PITPNC1: variants seen among roughly 807,000 people sequenced by gnomAD.
PITPNC1 encodes phosphatidylinositol transfer protein cytoplasmic 1, also known as cytoplasmic phosphatidylinositol transfer protein 1.
PITPNC1 carries 18 observed loss-of-function variants against 44.7 expected under a neutral mutation model. The observed-to-expected ratio is 0.40, with a 90% CI of 0.28 to 0.60. PITPNC1 has a LOEUF of 0.60. Among genes scored for constraint, PITPNC1 ranks in the 20% least tolerant of loss-of-function variants. PITPNC1 has a pLI of 0.39. For missense variants in PITPNC1, 290 were observed against 418.4 expected (o/e 0.69, Z 2.68); for synonymous variants, 141 against 149.6 (o/e 0.94, Z 0.42).
In PITPNC1 at chr17:67,519,923, T is replaced by C. The variant is rs373958865; in HGVS notation, c.49-12879T>C. Among the ~76,000 whole-genome samples, 20 of 152,326 alleles carry C rather than the reference T, an allele frequency of 1.3e-4. No individual in the cohort carries two copies. The East Asian group carries it at 3.1e-3, about 23-fold the overall frequency. Reference sequence around the variant, plus strand: ...TCAAATATCACTGAGATCTTGTTTGTCTAGGCATGAAGTGCCTTGAATAAC... The same window carrying C: ...TCAAATATCACTGAGATCTTGTTTGCCTAGGCATGAAGTGCCTTGAATAAC... On this transcript the variant is annotated intron_variant, in intron 1 of 8. Transcript: ENST00000581322.
chr17:67,526,815 T>G (rs1169282526), intron 1 of PITPNC1, among the ~76,000 whole-genome samples: 2 of 152,184 alleles, frequency 1.3e-5, no homozygotes, highest in African/African-American at 4.8e-5. Context: ...CTGCTGAGCT[T>G]CTTCAGTACA....
In PITPNC1 at chr17:67,377,722, G is replaced by A. The variant is rs1433182340; in HGVS notation, c.-433G>A. The A allele has an allele frequency of 1.3e-5, 2 of 157,490 alleles. No individual in the cohort carries two copies. Among genetic ancestry groups the A allele is most frequent in the East Asian group, 3.7e-4 (2 of 5,400 alleles). 9.8% of individuals were successfully genotyped at this position (157,490 alleles called of 1,614,324 possible). On this transcript the variant is annotated 5_prime_UTR_variant, in exon 1 of 9. Transcript: ENST00000581322. ...GAGGGGGGTCGCCAGGTTCCCGTCT[G>A]CTTTCGGAGGCGGATCGAGCGGGTG...
At chr17:67,478,113 C>T (rs2039656027) in intron 1 of PITPNC1, among the ~76,000 whole-genome samples, 1 of 152,068 alleles carries the variant, frequency 6.6e-6, no homozygotes, top group Non-Finnish European at 1.5e-5. Flanking sequence ...TTCTTCCTTT[C>T]TGAAATAGAA....
At chr17:67,627,573 A>G (rs980351417) in intron 5 of PITPNC1, among the ~76,000 whole-genome samples, 8 of 152,184 alleles carry the variant, frequency 5.3e-5, no homozygotes, top group African/African-American at 7.2e-5. Flanking sequence ...CAGGACACAC[A>G]CTTTTTAAGT....
At chr17:67,549,963 T>TG (rs1028449170) in intron 2 of PITPNC1, among the ~76,000 whole-genome samples, 1 of 152,042 alleles carries the variant, frequency 6.6e-6, no homozygotes, top group African/African-American at 2.4e-5. Context: ...CGCTAGGGTG[T>TG]GGGGGCAAAC....
At chr17:67,387,209 A>G (rs760989437) in intron 1 of PITPNC1, among the ~76,000 whole-genome samples, 1 of 152,210 alleles carries the variant, frequency 6.6e-6, no homozygotes, top group Non-Finnish European at 1.5e-5. Flanking sequence ...ATGGCCTGCA[A>G]CTGACCAACC....
intron 5 of PITPNC1, among the ~76,000 whole-genome samples, chr17:67,586,994 G>A (rs773739297): frequency 6.6e-6 from 1 of 152,108 alleles, no homozygotes; most frequent in Non-Finnish European, 1.5e-5. Flanking sequence ...GAATTGATGC[G>A]GGGCATGAGA....
At chr17:67,583,864 T>G (rs540807918) in intron 5 of PITPNC1, among the ~76,000 whole-genome samples, 2 of 113,288 alleles carry the variant, frequency 1.8e-5, no homozygotes, top group Admixed American at 8.7e-5. Flanking sequence ...CCTGGCTAAT[T>G]TTGTGTGTGT....
intron 1 of PITPNC1, among the ~76,000 whole-genome samples, chr17:67,394,276 G>A (rs1327027160): frequency 2.0e-5 from 3 of 152,026 alleles, no homozygotes; most frequent in African/African-American, 4.8e-5. Flanking sequence ...TGATCCTCCC[G>A]CCTTAACCTC....
intron 1 of PITPNC1, among the ~76,000 whole-genome samples, chr17:67,503,958 C>G (rs2040069342): frequency 6.6e-6 from 1 of 152,084 alleles, no homozygotes; most frequent in African/African-American, 2.4e-5. Flanking sequence ...TATTTTGCAA[C>G]CTTTTGGATG....
chr17:67,477,241 CTTTTTTTTTT>C (rs3052411), intron 1 of PITPNC1, among the ~76,000 whole-genome samples: 1 of 97,014 alleles, frequency 1.0e-5, no homozygotes, highest in South Asian at 3.4e-4. Context: ...ACACCCAGCT[CTTTTTTTTTT>C]TTTTTTTTTT....
intron 1 of PITPNC1, among the ~76,000 whole-genome samples, chr17:67,519,263 G>A (rs1184671400): frequency 3.7e-4 from 50 of 133,810 alleles, no homozygotes; most frequent in South Asian, 2.5e-4. Context: ...TGCAACTTCC[G>A]CCTCCTGGGT....
At chr17:67,425,193 G>GCGCGCGCGCGCGCGCGCCCA (rs1160522771) in intron 1 of PITPNC1, among the ~76,000 whole-genome samples, 2 of 52,118 alleles carry the variant, frequency 3.8e-5, no homozygotes, top group Non-Finnish European at 3.6e-5. Context: ...TTGTGCGCGC[G>GCGCGCGCGCGCGCGCGCCCA]CACGCACACG....
chr17:67,450,040 G>A (rs904719299), intron 1 of PITPNC1, among the ~76,000 whole-genome samples: 6 of 152,144 alleles, frequency 3.9e-5, no homozygotes, highest in Non-Finnish European at 8.8e-5. Context: ...TGAGATAAGC[G>A]CAGTAGCCAG....
chr17:67,495,045 T>TTTTTTTG, intron 1 of PITPNC1, among the ~76,000 whole-genome samples: 1 of 62,032 alleles, frequency 1.6e-5, no homozygotes, highest in South Asian at 5.8e-4. Context: ...GAGTTGTTTT[T>TTTTTTTG]TTTTTTGTTT....
intron 4 of PITPNC1, among the ~76,000 whole-genome samples, chr17:67,564,429 G>A (rs2040947792): frequency 6.6e-6 from 1 of 152,130 alleles, no homozygotes; most frequent in African/African-American, 2.4e-5. Context: ...CCCCACTCCA[G>A]CAGATAGATC....
chr17:67,378,884 C>G (rs1194943278), intron 1 of PITPNC1: 1 of 677,838 alleles, frequency 1.5e-6, no homozygotes, highest in Non-Finnish European at 1.8e-6. Context: ...GGGGCTGCGA[C>G]GCGGCCACAG....
At chr17:67,524,213 C>T (rs567224225) in intron 1 of PITPNC1, among the ~76,000 whole-genome samples, 8 of 152,196 alleles carry the variant, frequency 5.3e-5, no homozygotes, top group Admixed American at 3.3e-4. Flanking sequence ...GAGGCTGTGG[C>T]GGGAGGATGG....
At chr17:67,586,560 A>G (rs2041320400) in intron 5 of PITPNC1, among the ~76,000 whole-genome samples, 1 of 151,922 alleles carries the variant, frequency 6.6e-6, no homozygotes, top group Non-Finnish European at 1.5e-5. Context: ...GTGCCACCGC[A>G]CTCCAGCCGG....
Sources: gnomAD v4.1 joint callset for allele counts (sites outside exome capture counted in the v4.1 genomes callset) on GRCh38, gnomAD v4.1.1 for gene constraint, MANE v1.5 for transcripts, NCBI Gene and HGNC (gene_info 2026-07-23, HGNC 2026-07-21) for gene names.